Variants in SPATA6 observed in about 807,000 individuals in gnomAD.
SPATA6 encodes spermatogenesis-associated protein 6.
Under a neutral mutation model 65.3 loss-of-function variants are expected in SPATA6, and 56 were observed. That is an observed-to-expected ratio of 0.86 (90% CI 0.69 to 1.07). SPATA6 has a LOEUF of 1.07. Among genes scored for constraint, SPATA6 ranks in the 50% least tolerant of loss-of-function variants. The pLI, the probability that SPATA6 is intolerant of heterozygous loss-of-function variation, is 0.00. For synonymous variants in SPATA6, 199 were observed against 213.2 expected (o/e 0.93, Z 0.58); for missense variants, 590 against 594.8 (o/e 0.99, Z 0.08).
At chr1:48,283,023 G>T in the SPATA6 span, among the ~76,000 whole-genome samples, 1 of 152,070 alleles carries the variant, frequency 6.6e-6, no homozygotes, top group Admixed American at 6.6e-5. Context: ...ATGAGTTCAT[G>T]TCCTTTGTAG....
intron 3 of SPATA6, among the ~76,000 whole-genome samples, chr1:48,422,893 A>G (rs1653481535): frequency 6.6e-6 from 1 of 152,174 alleles, no homozygotes; most frequent in Non-Finnish European, 1.5e-5. Context: ...TTACCAAAAG[A>G]TATTTATAAG....
At chr1:48,436,452 A>G in intron 3 of SPATA6, 1 of 1,607,902 alleles carries the variant, frequency 6.2e-7, no homozygotes, top group South Asian at 1.1e-5. Context: ...CTTTAATAAG[A>G]AACATTATCT....
chr1:48,468,102 G>A (rs574390238), intron 1 of SPATA6, among the ~76,000 whole-genome samples: 1 of 152,130 alleles, frequency 6.6e-6, no homozygotes, highest in Non-Finnish European at 1.5e-5. Context: ...GAAGAGATCT[G>A]CACTCTCATA....
chr1:48,264,353 C>G, the SPATA6 span, among the ~76,000 whole-genome samples: 1 of 152,144 alleles, frequency 6.6e-6, no homozygotes, highest in African/African-American at 2.4e-5. Flanking sequence ...TACCCTTATA[C>G]TCTAACCATA....
intron 3 of SPATA6, among the ~76,000 whole-genome samples, chr1:48,423,125 T>C (rs1653504656): frequency 6.6e-6 from 1 of 152,146 alleles, no homozygotes; most frequent in African/African-American, 2.4e-5. Context: ...TTCATTTATA[T>C]GAAGTCCAAG....
chr1:48,361,876 G>C (rs1179029060), intron 9 of SPATA6, among the ~76,000 whole-genome samples: 1 of 152,104 alleles, frequency 6.6e-6, no homozygotes, highest in East Asian at 1.9e-4. Flanking sequence ...TAATAAGTCA[G>C]TGGTCAGCTG....
intron 11 of SPATA6, among the ~76,000 whole-genome samples, chr1:48,314,100 T>G (rs1645321818): frequency 6.6e-6 from 1 of 152,168 alleles, no homozygotes; most frequent in East Asian, 1.9e-4. Context: ...TGGGAGACTT[T>G]GACACCCCAC....
intron 11 of SPATA6, chr1:48,344,401 A>G (rs1398887035): frequency 6.6e-6 from 1 of 152,130 alleles, no homozygotes; most frequent in Admixed American, 6.6e-5. Context: ...TGGAAAGGAA[A>G]CACAATTACC....
intron 11 of SPATA6, among the ~76,000 whole-genome samples, chr1:48,344,495 A>G (rs1199159045): frequency 6.6e-6 from 1 of 152,142 alleles, no homozygotes. Flanking sequence ...TAAGCAGCTA[A>G]CACCATGATG....
chr1:48,447,291 G>A (rs747232632), intron 3 of SPATA6, among the ~76,000 whole-genome samples: 15 of 152,194 alleles, frequency 9.9e-5, no homozygotes, highest in Admixed American at 3.9e-4. Flanking sequence ...GGCCAAGGTG[G>A]GCGGATCACC....
chr1:48,365,113 A>T (rs778453797), intron 9 of SPATA6, among the ~76,000 whole-genome samples: 10 of 152,084 alleles, frequency 6.6e-5, no homozygotes, highest in Non-Finnish European at 1.5e-4. Context: ...AGTTGTAGAT[A>T]TGCGTCATTA....
chr1:48,289,234 G>C, the SPATA6 span, among the ~76,000 whole-genome samples: 2 of 152,190 alleles, frequency 1.3e-5, no homozygotes, highest in East Asian at 3.8e-4. Flanking sequence ...AGGGGAACAG[G>C]GTCTGGAGTG....
chr1:48,414,890 A>G (rs987190821), intron 3 of SPATA6, among the ~76,000 whole-genome samples: 4 of 152,234 alleles, frequency 2.6e-5, no homozygotes, highest in Non-Finnish European at 5.9e-5. Context: ...TGGAATTACT[A>G]AATCATGAAT....
At chr1:48,456,384 A>G (rs1298980850) in intron 1 of SPATA6, among the ~76,000 whole-genome samples, 6 of 152,230 alleles carry the variant, frequency 3.9e-5, no homozygotes, top group Non-Finnish European at 7.3e-5. Flanking sequence ...ACAATAACAA[A>G]TTCAGGAGAA....
chr1:48,418,544 C>CAAAAAAAAAAAA (rs34415296), intron 3 of SPATA6, among the ~76,000 whole-genome samples: 7 of 49,696 alleles, frequency 1.4e-4, no homozygotes, highest in East Asian at 9.2e-4. Context: ...CCCATCCCTA[C>CAAAAAAAAAAAA]AAAAAAAAAA....
At chr1:48,368,897 G>A (rs1647129884) in intron 9 of SPATA6, among the ~76,000 whole-genome samples, 1 of 152,130 alleles carries the variant, frequency 6.6e-6, no homozygotes, top group Non-Finnish European at 1.5e-5. Context: ...CAGTTTTTCT[G>A]CTCTGTTTTT....
At chr1:48,355,180 G>A (rs1038886762) in intron 11 of SPATA6, among the ~76,000 whole-genome samples, 1 of 152,040 alleles carries the variant, frequency 6.6e-6, no homozygotes, top group Admixed American at 6.6e-5. Flanking sequence ...TCCTCATACA[G>A]ATTTTTCCTA....
chr1:48,460,625 A>C (rs1200552063), intron 1 of SPATA6, among the ~76,000 whole-genome samples: 1 of 152,236 alleles, frequency 6.6e-6, no homozygotes, highest in Non-Finnish European at 1.5e-5. Context: ...CAGTTTGAAA[A>C]GGAAGAAGTA....
chr1:48,423,720 G>A (rs889924115), intron 3 of SPATA6, among the ~76,000 whole-genome samples: 2 of 151,836 alleles, frequency 1.3e-5, no homozygotes, highest in African/African-American at 4.8e-5. Flanking sequence ...GCTAATGTTT[G>A]TATTTAGTAG....
Sources: allele counts gnomAD v4.1 joint callset (sites outside exome capture counted in the v4.1 genomes callset), GRCh38; gene constraint gnomAD v4.1.1; transcripts MANE v1.5; gene names NCBI Gene and HGNC (gene_info 2026-07-23, HGNC 2026-07-21).